TSHZ2: variants seen among roughly 807,000 people sequenced by gnomAD.
The protein encoded by TSHZ2 is teashirt homolog 2.
Under a neutral mutation model 74.4 loss-of-function variants are expected in TSHZ2, and 21 were observed. The observed-to-expected ratio is 0.28, with a 90% CI of 0.20 to 0.41. The LOEUF is 0.41. Ranked by LOEUF, TSHZ2 falls within the 10% of genes least tolerant of loss-of-function variation. The probability of loss-of-function intolerance (pLI) is 1.00; values close to 1 mark genes in which losing one functional copy is unlikely to be tolerated. For missense variants in TSHZ2, 1,244 were observed against 1,293.5 expected (o/e 0.96, Z 0.59); for synonymous variants, 540 against 515.3 (o/e 1.05, Z -0.65).
rs554406447 is a variant in TSHZ2, at chr20:53,267,069, C to T, written c.*8+10498C>T. ...CTGGGATTACAGGCATGAGCCACCA[C>T]GCCCGGCCTCGATGATGATTATATA... On this transcript the variant is annotated intron_variant, in intron 2 of 2. Coordinates refer to ENST00000371497, the MANE Select transcript of TSHZ2 (RefSeq NM_173485.6). Among the ~76,000 whole-genome samples, 32 of 152,322 alleles carry T rather than the reference C, an allele frequency of 2.1e-4. No individual in the cohort carries two copies. In the South Asian group the frequency reaches 5.6e-3, roughly 27 times the overall value.
At chr20:53,176,682 G>C (rs1366328499) in intron 1 of TSHZ2, among the ~76,000 whole-genome samples, 2 of 148,216 alleles carry the variant, frequency 1.3e-5, no homozygotes, top group Admixed American at 6.7e-5. Context: ...GTATTTCTTT[G>C]TTTCTTTCTT....
At chr20:52,996,350 TATTA>T (rs1016507247) in intron 1 of TSHZ2, among the ~76,000 whole-genome samples, 62 of 142,866 alleles carry the variant, frequency 4.3e-4, no homozygotes, top group East Asian at 6.0e-4. Context: ...TTTATTTATT[TATTA>T]GGCAAAATGG....
chr20:53,294,877 G>T (rs1316885182), intron 2 of TSHZ2, among the ~76,000 whole-genome samples: 1 of 152,146 alleles, frequency 6.6e-6, no homozygotes, highest in Non-Finnish European at 1.5e-5. Flanking sequence ...AAAGGTGAAG[G>T]CAGCATAAAG....
At chr20:53,384,986 T>C (rs1426933528) in intron 2 of TSHZ2, among the ~76,000 whole-genome samples, 1 of 152,074 alleles carries the variant, frequency 6.6e-6, no homozygotes, top group African/African-American at 2.4e-5. Flanking sequence ...CCGGGCATAG[T>C]GGCGGGTGCC....
At chr20:53,447,104 A>T (rs1156469026) in intron 2 of TSHZ2, among the ~76,000 whole-genome samples, 1 of 152,196 alleles carries the variant, frequency 6.6e-6, no homozygotes, top group Non-Finnish European at 1.5e-5. Flanking sequence ...ATAGTCACAG[A>T]ATATAGATCA....
At chr20:53,186,480 G>A (rs1454760339) in intron 1 of TSHZ2, among the ~76,000 whole-genome samples, 1 of 152,218 alleles carries the variant, frequency 6.6e-6, no homozygotes, top group African/African-American at 2.4e-5. Context: ...GCAAGTAATA[G>A]TTTGAGGGTT....
At chr20:53,088,340 A>T (rs1319499058) in intron 1 of TSHZ2, among the ~76,000 whole-genome samples, 4 of 152,218 alleles carry the variant, frequency 2.6e-5, no homozygotes, top group Non-Finnish European at 5.9e-5. Flanking sequence ...CAGACATTTT[A>T]AAAAATTATC....
At chr20:53,143,761 A>G (rs1326595754) in intron 1 of TSHZ2, among the ~76,000 whole-genome samples, 1 of 152,116 alleles carries the variant, frequency 6.6e-6, no homozygotes, top group African/African-American at 2.4e-5. Context: ...GTTGCCTTGT[A>G]ATGTAGCCTC....
intron 2 of TSHZ2, among the ~76,000 whole-genome samples, chr20:53,443,964 C>T (rs1359140649): frequency 6.6e-6 from 1 of 152,156 alleles, no homozygotes; most frequent in African/African-American, 2.4e-5. Context: ...GCACCATCAA[C>T]ACTGAAGAGA....
At chr20:53,436,533 A>G (rs1246282247) in intron 2 of TSHZ2, among the ~76,000 whole-genome samples, 1 of 115,980 alleles carries the variant, frequency 8.6e-6, no homozygotes, top group African/African-American at 3.5e-5. Context: ...ATTTATTATT[A>G]TTATTATTAT....
chr20:53,431,856 G>A (rs986372848), intron 2 of TSHZ2, among the ~76,000 whole-genome samples: 8 of 152,082 alleles, frequency 5.3e-5, no homozygotes, highest in African/African-American at 1.4e-4. Flanking sequence ...ATAAAAACAC[G>A]TAAATAACAG....
intron 1 of TSHZ2, among the ~76,000 whole-genome samples, chr20:52,984,703 G>C (rs1981688880): frequency 6.6e-6 from 1 of 152,152 alleles, no homozygotes; most frequent in African/African-American, 2.4e-5. Context: ...GCTGTCCTGC[G>C]ATTTATCAGG....
At chr20:53,033,381 A>G (rs1983706571) in intron 1 of TSHZ2, among the ~76,000 whole-genome samples, 1 of 152,140 alleles carries the variant, frequency 6.6e-6, no homozygotes, top group Non-Finnish European at 1.5e-5. Flanking sequence ...GTGTGATGTG[A>G]AAAGAGGAGA....
At position 53,001,162 on chromosome 20, in the gene TSHZ2, C is replaced by T. The variant is rs143049406; in HGVS notation, c.40+27829C>T. On this transcript the variant is annotated intron_variant, in intron 1 of 2. Transcript: ENST00000371497. ...GAACTCTATGAACCCCAGAGAGACCCGGTCTGGGTTTACAATGACAATGTT... is the reference window on the plus strand; with the variant it reads ...GAACTCTATGAACCCCAGAGAGACCTGGTCTGGGTTTACAATGACAATGTT... Among the ~76,000 whole-genome samples the T allele has an allele frequency of 1.5e-3, 227 of 148,730 alleles. 1 individual carries two copies. Among genetic ancestry groups the T allele is most frequent in the Admixed American group, 3.8e-3 (57 of 14,950 alleles).
At chr20:52,980,117 A>G (rs1568702050) in intron 1 of TSHZ2, among the ~76,000 whole-genome samples, 2 of 152,244 alleles carry the variant, frequency 1.3e-5, no homozygotes, top group African/African-American at 4.8e-5. Flanking sequence ...ATTGTTTCAG[A>G]AAACCAAATG....
chr20:53,050,103 G>GTATATATATATA (rs71897861), intron 1 of TSHZ2, among the ~76,000 whole-genome samples: 143 of 116,012 alleles, frequency 1.2e-3, no homozygotes, highest in East Asian at 1.6e-3. Context: ...GTATATGTGT[G>GTATATATATATA]TATATATATA....
At chr20:53,420,981 C>G (rs1983447914) in intron 2 of TSHZ2, among the ~76,000 whole-genome samples, 1 of 152,222 alleles carries the variant, frequency 6.6e-6, no homozygotes, top group Non-Finnish European at 1.5e-5. Flanking sequence ...TCTCACAGAG[C>G]TACGTTTCAA....
chr20:53,423,736 C>G (rs1442010717), intron 2 of TSHZ2, among the ~76,000 whole-genome samples: 1 of 152,242 alleles, frequency 6.6e-6, no homozygotes, highest in Non-Finnish European at 1.5e-5. Context: ...TTGGTTCCCC[C>G]TCTGTTTGAC....
intron 2 of TSHZ2, among the ~76,000 whole-genome samples, chr20:53,415,035 G>T (rs1205929097): frequency 6.6e-6 from 1 of 152,142 alleles, no homozygotes; most frequent in Admixed American, 6.5e-5. Context: ...TATACACGGT[G>T]GCTGATTTCT....
Sources: gnomAD v4.1 joint callset for allele counts (sites outside exome capture counted in the v4.1 genomes callset) on GRCh38, gnomAD v4.1.1 for gene constraint, MANE v1.5 for transcripts, NCBI Gene and HGNC (gene_info 2026-07-23, HGNC 2026-07-21) for gene names.